NCOA7: variants seen among roughly 807,000 people sequenced by gnomAD.
The protein encoded by NCOA7 is 140 kDa estrogen receptor-associated protein.
In NCOA7, 45 loss-of-function variants were observed where a neutral mutation model predicts 104.3. The observed-to-expected ratio is 0.43, with a 90% CI of 0.34 to 0.55. The LOEUF (loss-of-function observed/expected upper bound fraction) is 0.55, where lower values mean the gene tolerates loss of function less well. Ranked by LOEUF, NCOA7 falls within the 20% of genes least tolerant of loss-of-function variation. The pLI, the probability that NCOA7 is intolerant of heterozygous loss-of-function variation, is 0.02. For missense variants in NCOA7, 1,041 were observed against 1,119.7 expected (o/e 0.93, Z 1.00); for synonymous variants, 398 against 402.3 (o/e 0.99, Z 0.13).
intron 2 of NCOA7, among the ~76,000 whole-genome samples, chr6:125,853,820 T>C (rs1171668911): frequency 6.6e-6 from 1 of 152,222 alleles, no homozygotes; most frequent in Non-Finnish European, 1.5e-5. Context: ...ATTTAAGATA[T>C]AAGAAAACTA....
chr6:125,913,147 A>G (rs191252461), intron 10 of NCOA7, among the ~76,000 whole-genome samples: 4 of 152,350 alleles, frequency 2.6e-5, no homozygotes, highest in Admixed American at 2.0e-4. Flanking sequence ...TCAGAGAAAC[A>G]GAACCAAAAT....
intron 2 of NCOA7, among the ~76,000 whole-genome samples, chr6:125,849,296 A>G (rs1280696846): frequency 6.6e-6 from 1 of 152,164 alleles, no homozygotes; most frequent in African/African-American, 2.4e-5. Context: ...GCATTCTACA[A>G]GTGCCTACAC....
chr6:125,799,352 A>G (rs895282223), intron 1 of NCOA7, among the ~76,000 whole-genome samples: 1 of 151,922 alleles, frequency 6.6e-6, no homozygotes, highest in Non-Finnish European at 1.5e-5. Context: ...TTTCCAACCC[A>G]TCTATTGTAT....
chr6:125,828,522 A>T (rs1334581978), intron 2 of NCOA7, among the ~76,000 whole-genome samples: 1 of 152,198 alleles, frequency 6.6e-6, no homozygotes, highest in Non-Finnish European at 1.5e-5. Flanking sequence ...CAGGAGGAAG[A>T]TGTGAGAGTC....
At chr6:125,878,117 T>G in intron 4 of NCOA7, 146 bp from the exon 5 acceptor site, 1 of 437,800 alleles carries the variant, frequency 2.3e-6, no homozygotes, top group Non-Finnish European at 4.0e-6. Flanking sequence ...TATTAAGAAT[T>G]GACAATGTAT....
chr6:125,857,360 C>T (rs577799894), intron 3 of NCOA7, among the ~76,000 whole-genome samples: 3 of 151,946 alleles, frequency 2.0e-5, no homozygotes, highest in South Asian at 4.2e-4. Flanking sequence ...GCCTCAACCT[C>T]GTGAGTAGCT....
At chr6:125,857,547 G>A (rs1172722700) in intron 3 of NCOA7, among the ~76,000 whole-genome samples, 1 of 151,512 alleles carries the variant, frequency 6.6e-6, no homozygotes, top group African/African-American at 2.4e-5. Flanking sequence ...CAATGCTCCT[G>A]CCTTGGCCTC....
intron 14 of NCOA7, 141 bp downstream of exon 14, chr6:125,927,899 C>G (rs570923945): frequency 1.3e-6 from 1 of 757,790 alleles, no homozygotes; most frequent in African/African-American, 1.7e-5. Context: ...ATGACTGTAG[C>G]TCGCAAACTG....
At chr6:125,811,355 T>C (rs1032029540) in intron 1 of NCOA7, among the ~76,000 whole-genome samples, 11 of 152,258 alleles carry the variant, frequency 7.2e-5, no homozygotes, top group African/African-American at 2.4e-4. Context: ...TAGGGAAGTA[T>C]AGTAAAAGTG....
rs756190152 is a variant in NCOA7 at position 125,921,028 on chromosome 6, G to A, written c.2330G>A (p.Arg777Gln). The A allele has an allele frequency of 2.0e-5, 32 of 1,613,664 alleles. No individual in the cohort carries two copies. The highest frequency in any genetic ancestry group is 3.3e-5 in the Admixed American group (2 of 59,992). ...DEDEEVLPVL[R>Q]PHSALLENMH... Reference sequence around the variant, plus strand: ...GACGAAGAGGTGCTGCCTGTCCTACGGCCCCACAGCGCGCTCCTGGAGAAT... The same window carrying A: ...GACGAAGAGGTGCTGCCTGTCCTACAGCCCCACAGCGCGCTCCTGGAGAAT... The change falls in exon 12 of 16, where the codon CGG becomes CAG. Residue 777 changes from arginine to glutamine, a missense_variant. By Grantham distance (43) the Arg-to-Gln change is conservative. Around this residue, in one of 2 missense-constraint regions of NCOA7, gnomAD observed 914 missense variants for 942.7 expected, o/e 0.97. Transcript: ENST00000392477.
chr6:125,886,286 A>G (rs1784256287), intron 8 of NCOA7, among the ~76,000 whole-genome samples: 1 of 151,942 alleles, frequency 6.6e-6, no homozygotes, highest in South Asian at 2.1e-4. Context: ...ACCTCAAGCC[A>G]CTAAGATATC....
rs1484386629 is a variant in NCOA7 at position 125,889,273 on chromosome 6, G to A, written c.1219G>A (p.Glu407Lys). The A allele has an allele frequency of 1.2e-6, 2 of 1,614,076 alleles. No individual in the cohort carries two copies. Among genetic ancestry groups the A allele is most frequent in the Middle Eastern group, 3.3e-4 (2 of 6,060 alleles). ...TTCTGCATTTGAATCTACAGCCAAA[G>A]AAAACTTTCTAGGGGAAGATGATGA... ...TSSAFESTAK[E>K]NFLGEDDDFV... is the part of the protein sequence containing the mutation. Residue 407 changes from glutamate to lysine, a missense_variant, in exon 9 of 16, where the codon GAA becomes AAA. By Grantham distance (56) the Glu-to-Lys change is moderately conservative. Coordinates refer to ENST00000392477, the MANE Select transcript of NCOA7 (RefSeq NM_181782.5).
At chr6:125,853,975 A>G (rs543735011) in intron 2 of NCOA7, among the ~76,000 whole-genome samples, 22 of 152,302 alleles carry the variant, frequency 1.4e-4, no homozygotes, top group African/African-American at 4.8e-4. Flanking sequence ...GTCCCTGTGT[A>G]TCCTACAGTT....
intron 1 of NCOA7, chr6:125,796,586 G>T (rs1775355334): frequency 6.6e-6 from 1 of 151,688 alleles, no homozygotes; most frequent in African/African-American, 2.4e-5. Flanking sequence ...ACTGTTTGGG[G>T]AATAATGACA....
At chr6:125,784,968 T>C (rs77112170) in intron 1 of NCOA7, among the ~76,000 whole-genome samples, 2,607 of 149,968 alleles carry the variant, frequency 0.017, 58 homozygotes, top group African/African-American at 0.052. Flanking sequence ...TGATACAAGA[T>C]ATGATAATGT....
chr6:125,885,344 G>C lies in NCOA7; in HGVS notation c.884+1G>C. 6.2e-7 allele frequency: 1 copy of C among 1,612,544 alleles called. No individual in the cohort carries two copies. The highest frequency in any genetic ancestry group is 8.5e-7 in the Non-Finnish European group (1 of 1,178,822). ...TGAAGATCAAAGATGCCTTGCCATC[G>C]TAAGACATTTATTTGTTTACCAGGA... On this transcript the variant is annotated splice_donor_variant, in intron 8 of 15. Coordinates refer to ENST00000392477, the MANE Select transcript of NCOA7 (RefSeq NM_181782.5). LOFTEE classifies it high-confidence loss of function.
At chr6:125,895,894 T>C (rs1479118238) in intron 10 of NCOA7, among the ~76,000 whole-genome samples, 1 of 151,700 alleles carries the variant, frequency 6.6e-6, no homozygotes, top group Non-Finnish European at 1.5e-5. Flanking sequence ...GGGATTACAT[T>C]TCGACATGAG....
chr6:125,835,446 T>G (rs1779538279), intron 2 of NCOA7, among the ~76,000 whole-genome samples: 1 of 152,250 alleles, frequency 6.6e-6, no homozygotes, highest in African/African-American at 2.4e-5. Flanking sequence ...CAGATAAGAT[T>G]TGACATCAGG....
chr6:125,881,546 C>T (rs1006569086), intron 6 of NCOA7, among the ~76,000 whole-genome samples: 1 of 151,794 alleles, frequency 6.6e-6, no homozygotes, highest in Non-Finnish European at 1.5e-5. Context: ...TGGCTCAAAC[C>T]TGTAGTCCCA....
Sources: allele counts gnomAD v4.1 joint callset (sites outside exome capture counted in the v4.1 genomes callset), GRCh38; gene constraint gnomAD v4.1.1; regional missense constraint gnomAD v4.1.1; transcripts MANE v1.5; gene names NCBI Gene and HGNC (gene_info 2026-07-23, HGNC 2026-07-21).